Variants in RPRD2 observed in about 807,000 individuals in gnomAD.
RPRD2 encodes the protein regulation of nuclear pre-mRNA domain-containing protein 2.
RPRD2 carries 12 observed loss-of-function variants against 104.4 expected under a neutral mutation model. The ratio of observed to expected loss-of-function variants is 0.11; its 90% CI spans 0.07 to 0.19. The LOEUF (loss-of-function observed/expected upper bound fraction) is 0.19. Ranked by LOEUF, RPRD2 falls within the 10% of genes least tolerant of loss-of-function variation. RPRD2 has a pLI of 1.00. For synonymous variants in RPRD2, 714 were observed against 684.9 expected (o/e 1.04, Z -0.66); for missense variants, 1,543 against 1,790.1 (o/e 0.86, Z 2.49).
chr1:150,402,736 G>A (rs1451033274), intron 1 of RPRD2, among the ~76,000 whole-genome samples: 3 of 152,126 alleles, frequency 2.0e-5, no homozygotes, highest in Non-Finnish European at 2.9e-5. Flanking sequence ...GGAGGCCGAG[G>A]TGGGCAGATC....
chr1:150,372,427 T>C (rs587687193), intron 1 of RPRD2, among the ~76,000 whole-genome samples: 4 of 151,110 alleles, frequency 2.6e-5, no homozygotes, highest in African/African-American at 9.7e-5. Flanking sequence ...GAGGCAGAGG[T>C]TGCAGTGAGC....
chr1:150,443,327 C>A, intron 5 of RPRD2, 44 bp downstream of exon 5: 1 of 1,319,408 alleles, frequency 7.6e-7, no homozygotes, highest in South Asian at 1.3e-5. Flanking sequence ...ATTATTCACC[C>A]CTTTTGTATT....
intron 2 of RPRD2, among the ~76,000 whole-genome samples, chr1:150,433,014 G>C (rs1379621625): frequency 6.6e-6 from 1 of 152,016 alleles, no homozygotes; most frequent in Non-Finnish European, 1.5e-5. Flanking sequence ...TAATTGGAAT[G>C]ATTGTAACAC....
Position 150,457,454 on chromosome 1 carries a change from C to A in RPRD2, c.1037C>A (p.Ser346Tyr). The change falls in exon 8 of 11, where the codon TCC becomes TAC. Residue 346 changes from serine (S) to tyrosine (Y), a missense_variant. Around this residue, in one of 4 missense-constraint regions of RPRD2, gnomAD observed 572 missense variants for 787.3 expected, o/e 0.73. Transcript: ENST00000369068. ...TTTCAGGGAATGGGAGGTGAGGAAT[C>A]CCAGTCACCAACCATGGAGAGTGAG... is the stretch of plus-strand genomic sequence containing the variant. ...SPFQGMGGEE[S>Y]QSPTMESEKS... The A allele has an allele frequency of 6.2e-7, 1 of 1,613,854 alleles. No individual in the cohort carries two copies. The highest frequency in any genetic ancestry group is 8.5e-7 in the Non-Finnish European group (1 of 1,179,838).
At position 150,452,454 on chromosome 1, in the gene RPRD2, A is replaced by G. The variant is rs587730802; in HGVS notation, c.871-4834A>G. ...CCCTAAGAAACTAATATACCAATTA[A>G]TGAATGTTTTGTGAGGAAGTATTTT... On this transcript the variant is annotated intron_variant, in intron 7 of 10. Transcript: ENST00000369068. Among the ~76,000 whole-genome samples the G allele has an allele frequency of 2.0e-5, 3 of 152,274 alleles. No individual in the cohort carries two copies. The East Asian group carries it at 5.8e-4, about 29-fold the overall frequency.
At chr1:150,422,977 A>G (rs1664868381) in intron 2 of RPRD2, among the ~76,000 whole-genome samples, 1 of 152,212 alleles carries the variant, frequency 6.6e-6, no homozygotes, top group Non-Finnish European at 1.5e-5. Context: ...ATTTCAGTTT[A>G]TCTTTTCCAT....
intron 1 of RPRD2, among the ~76,000 whole-genome samples, chr1:150,414,959 C>T (rs1664223927): frequency 6.6e-6 from 1 of 152,094 alleles, no homozygotes; most frequent in South Asian, 2.1e-4. Flanking sequence ...CACAAGAAAA[C>T]TTTAAGATAG....
At chr1:150,395,365 T>TTGTGTGTGTGTGTGTGTGTGTGTG (rs10524632) in intron 1 of RPRD2, among the ~76,000 whole-genome samples, 55 of 144,174 alleles carry the variant, frequency 3.8e-4, no homozygotes, top group African/African-American at 1.2e-3. Context: ...TAGTATTCCA[T>TTGTGTGTGTGTGTGTGTGTGTGTG]TGTGTGTGTG....
rs587687592 is a variant in RPRD2, at chr1:150,441,101, G to A, written c.436+78G>A. 8.1e-5 allele frequency: 57 copies of A among 701,080 alleles called. 1 individual carries two copies. The South Asian group carries it at 9.7e-4, about 12-fold the overall frequency. 43.4% of individuals were successfully genotyped at this position (701,080 alleles called of 1,614,324 possible). On this transcript the variant is annotated intron_variant, in intron 3 of 10. Transcript: ENST00000369068. Reference sequence around the variant, plus strand: ...TACATAATTTTATAGATCTGGTCATGTTGTATAATAGTGAAAAATTAAGTT... The same window carrying A: ...TACATAATTTTATAGATCTGGTCATATTGTATAATAGTGAAAAATTAAGTT...
At chr1:150,431,391 T>C (rs1553891664) in intron 2 of RPRD2, among the ~76,000 whole-genome samples, 1 of 151,762 alleles carries the variant, frequency 6.6e-6, no homozygotes, top group Non-Finnish European at 1.5e-5. Flanking sequence ...GGAAGAACAG[T>C]CTACATGTTT....
intron 1 of RPRD2, among the ~76,000 whole-genome samples, chr1:150,413,729 C>G (rs1436402374): frequency 1.3e-5 from 2 of 151,894 alleles, no homozygotes; most frequent in East Asian, 3.9e-4. Context: ...AGCTCAAGAC[C>G]AGCCTGACCA....
intron 1 of RPRD2, among the ~76,000 whole-genome samples, chr1:150,415,902 A>G (rs1035674859): frequency 1.1e-4 from 17 of 152,178 alleles, no homozygotes; most frequent in African/African-American, 4.1e-4. Context: ...TCTCTGTGAA[A>G]CAGCATATAA....
At position 150,400,239 on chromosome 1, in the gene RPRD2, C is replaced by T. The variant is rs144333727; in HGVS notation, c.206-17357C>T. 2.7e-3 allele frequency among the ~76,000 whole-genome samples: 413 copies of T among 152,272 alleles called. 3 individuals are homozygous for T. Among genetic ancestry groups the T allele is most frequent in the African/African-American group, 9.4e-3 (391 of 41,546 alleles). ...GTATCCTGCAACCTTACTAAACTTA[C>T]TTATTAGTTCAAGTACCTATTTTGT... On this transcript the variant is annotated intron_variant, in intron 1 of 10. Transcript: ENST00000369068.
rs1319379721 is a variant in RPRD2 at position 150,475,626 on chromosome 1, G to A, written c.*2292G>A. ...ATCCTCAATATGTTTGTTTTAGGAT[G>A]GAAGTGAGGATTTGTATGAGACTGT... On this transcript the variant is annotated 3_prime_UTR_variant, in exon 11 of 11. Transcript: ENST00000369068. 2 of 152,462 alleles carry A rather than the reference G, an allele frequency of 1.3e-5. No individual in the cohort carries two copies. Among genetic ancestry groups the A allele is most frequent in the African/African-American group, 4.8e-5 (2 of 41,382 alleles). 9.4% of individuals were successfully genotyped at this position (152,462 alleles called of 1,614,324 possible).
chr1:150,471,904 G>C lies in RPRD2; in HGVS notation c.2956G>C (p.Gly986Arg), dbSNP rs1235191565. 1 of 1,613,610 alleles carries C rather than the reference G, an allele frequency of 6.2e-7. No homozygotes were observed. Among genetic ancestry groups the C allele is most frequent in the African/African-American group, 1.3e-5 (1 of 74,802 alleles). Residue 986 changes from glycine to arginine, a missense_variant, in exon 11 of 11, where the codon GGT becomes CGT. Gly to Arg is a moderately radical substitution (Grantham distance 125, BLOSUM62 -2). Coordinates refer to ENST00000369068, the MANE Select transcript of RPRD2 (RefSeq NM_015203.5). This position sits in a 1 kb window ranked among gnomAD's most constrained non-coding sequence, Gnocchi z 5.3. ...SPQNTLAAPT[G>R]HPPTSGVEKV... ...GCAGAACACCCTTGCCGCTCCCACG[G>C]GTCACCCACCCACGTCAGGCGTGGA...
At chr1:150,400,877 T>TG (rs1662932294) in intron 1 of RPRD2, among the ~76,000 whole-genome samples, 1 of 152,026 alleles carries the variant, frequency 6.6e-6, no homozygotes. Context: ...CATAGTACTT[T>TG]TTTTTTTTAA....
chr1:150,396,199 T>G (rs587671883), intron 1 of RPRD2, among the ~76,000 whole-genome samples: 266 of 81,358 alleles, frequency 3.3e-3, no homozygotes, highest in African/African-American at 0.018. Flanking sequence ...CGTCTGTGTG[T>G]TTTTTTTTTT....
chr1:150,417,139 G>A (rs1371182695), intron 1 of RPRD2, among the ~76,000 whole-genome samples: 2 of 151,514 alleles, frequency 1.3e-5, no homozygotes, highest in Non-Finnish European at 2.9e-5. Context: ...ACTAACCTTG[G>A]TATTTCTGCA....
chr1:150,462,473 C>A (rs1441898220), intron 9 of RPRD2, among the ~76,000 whole-genome samples: 1 of 148,742 alleles, frequency 6.7e-6, no homozygotes, highest in Non-Finnish European at 1.5e-5. Flanking sequence ...AAAAAAAAAA[C>A]CTGTAAATTA....
Sources: allele counts gnomAD v4.1 joint callset (sites outside exome capture counted in the v4.1 genomes callset), GRCh38; gene constraint gnomAD v4.1.1; regional missense constraint gnomAD v4.1.1; non-coding constraint Gnocchi (gnomAD v3.1); transcripts MANE v1.5; gene names NCBI Gene and HGNC (gene_info 2026-07-23, HGNC 2026-07-21).